Variants in GSK3B observed in about 807,000 individuals in gnomAD.
GSK3B encodes glycogen synthase kinase 3 beta.
In GSK3B, 15 loss-of-function variants were observed where a neutral mutation model predicts 56.4. That is an observed-to-expected ratio of 0.27 (90% CI 0.18 to 0.41). GSK3B has a LOEUF of 0.41. Ranked by LOEUF, GSK3B falls within the 10% of genes least tolerant of loss-of-function variation. GSK3B has a pLI of 1.00. For synonymous variants in GSK3B, 181 were observed against 188.9 expected, an observed-to-expected ratio of 0.96 and a Z score of 0.34; for missense variants, 300 against 513.4, an observed-to-expected ratio of 0.58 and a Z score of 4.02.
chr3:119,964,143 T>C (rs2057298635), intron 2 of GSK3B, among the ~76,000 whole-genome samples: 1 of 151,770 alleles, frequency 6.6e-6, no homozygotes, highest in Non-Finnish European at 1.5e-5. Context: ...TATAACAAAC[T>C]CCTATAACTC....
chr3:119,967,834 T>TTCTC (rs202156812), intron 2 of GSK3B, among the ~76,000 whole-genome samples: 1,911 of 118,920 alleles, frequency 0.016, 24 homozygotes, highest in South Asian at 0.025. Context: ...CTCTTTCTCT[T>TTCTC]TCTCTCTCTC....
chr3:120,021,349 CAAA>C, intron 1 of GSK3B, among the ~76,000 whole-genome samples: 1 of 96,352 alleles, frequency 1.0e-5, no homozygotes, highest in African/African-American at 3.9e-5. Flanking sequence ...ACTAAAAATA[CAAA>C]AAAAAAAAAA....
intron 2 of GSK3B, among the ~76,000 whole-genome samples, chr3:119,984,962 T>C (rs2057501265): frequency 6.6e-6 from 1 of 152,124 alleles, no homozygotes; most frequent in African/African-American, 2.4e-5. Flanking sequence ...GCAAATTGAA[T>C]CCAGCAGCAC....
chr3:119,954,290 AATAGAATAGAATAGAAAAGAAACAG>A (rs1236502174), intron 2 of GSK3B, among the ~76,000 whole-genome samples: 2 of 130,970 alleles, frequency 1.5e-5, no homozygotes, highest in African/African-American at 6.2e-5. Context: ...AATAGAATAG[AATAGAATAGAATAGAAAAGAAACAG>A]AACAGAACAG....
At chr3:120,077,101 A>T (rs2058373364) in intron 1 of GSK3B, among the ~76,000 whole-genome samples, 1 of 152,194 alleles carries the variant, frequency 6.6e-6, no homozygotes, top group African/African-American at 2.4e-5. Flanking sequence ...GCCACTCTGG[A>T]AACAGTATGG....
chr3:120,069,052 A>T (rs1041389772), intron 1 of GSK3B, among the ~76,000 whole-genome samples: 1 of 152,166 alleles, frequency 6.6e-6, no homozygotes, highest in African/African-American at 2.4e-5. Flanking sequence ...AAGTGGTGGA[A>T]AAGAAAAAAG....
chr3:119,867,550 A>C (rs941797721), intron 8 of GSK3B, among the ~76,000 whole-genome samples: 1 of 152,194 alleles, frequency 6.6e-6, no homozygotes, highest in East Asian at 1.9e-4. Context: ...CCAAAAGCTA[A>C]ACAAAATATA....
chr3:120,000,376 C>T (rs1051335539), intron 2 of GSK3B, among the ~76,000 whole-genome samples: 5 of 152,112 alleles, frequency 3.3e-5, no homozygotes, highest in Non-Finnish European at 4.4e-5. Flanking sequence ...GGGCATTTGA[C>T]AACATGAGAC....
At chr3:120,026,837 C>T (rs1357829603) in intron 1 of GSK3B, among the ~76,000 whole-genome samples, 2 of 151,910 alleles carry the variant, frequency 1.3e-5, no homozygotes, top group Admixed American at 6.6e-5. Flanking sequence ...GGATTACAGG[C>T]GTGAGCCACC....
chr3:119,918,401 T>TA (rs149680745), intron 4 of GSK3B, among the ~76,000 whole-genome samples: 2,410 of 151,078 alleles, frequency 0.016, 62 homozygotes, highest in African/African-American at 0.055. Flanking sequence ...ACCCGGGAGA[T>TA]AGAGGTTGCA....
chr3:119,910,030 T>C (rs2056720183), intron 6 of GSK3B, among the ~76,000 whole-genome samples: 1 of 152,196 alleles, frequency 6.6e-6, no homozygotes, highest in South Asian at 2.1e-4. Flanking sequence ...ATGTTAGCAA[T>C]ATGGCCATAC....
At chr3:119,937,301 T>C (rs1448907412) in intron 3 of GSK3B, among the ~76,000 whole-genome samples, 2 of 152,064 alleles carry the variant, frequency 1.3e-5, no homozygotes, top group Non-Finnish European at 2.9e-5. Flanking sequence ...TGCCTTCCTC[T>C]TGGTAATGAA....
intron 7 of GSK3B, 40 bp from the exon 8 acceptor site, chr3:119,876,548 T>C (rs1286851209): frequency 9.0e-7 from 1 of 1,109,816 alleles, no homozygotes; most frequent in East Asian, 2.4e-5. Context: ...TTCCTATATA[T>C]TTACAAATTT....
At chr3:119,860,988 T>C (rs908691592) in intron 9 of GSK3B, among the ~76,000 whole-genome samples, 13 of 152,294 alleles carry the variant, frequency 8.5e-5, no homozygotes, top group African/African-American at 2.9e-4. Context: ...TTTCTATCTC[T>C]AGATTTCCTT....
chr3:120,057,436 T>C (rs2058200400), intron 1 of GSK3B, among the ~76,000 whole-genome samples: 1 of 152,142 alleles, frequency 6.6e-6, no homozygotes, highest in African/African-American at 2.4e-5. Flanking sequence ...GGTAAAGTTC[T>C]GCTACGAAAA....
chr3:120,030,539 C>T (rs376094841), intron 1 of GSK3B, among the ~76,000 whole-genome samples: 24 of 152,284 alleles, frequency 1.6e-4, no homozygotes, highest in African/African-American at 5.8e-4. Flanking sequence ...GCTCACAATC[C>T]TTCAGTCACA....
At chr3:120,018,379 C>T (rs1309174213) in intron 1 of GSK3B, among the ~76,000 whole-genome samples, 2 of 151,998 alleles carry the variant, frequency 1.3e-5, no homozygotes. Flanking sequence ...GCCAACTTTC[C>T]ACATACGGTG....
At chr3:119,903,664 T>A (rs79171029) in intron 7 of GSK3B, among the ~76,000 whole-genome samples, 3,945 of 152,304 alleles carry the variant, frequency 0.026, 175 homozygotes, top group African/African-American at 0.089. Flanking sequence ...TAGGGAATTA[T>A]CACAGATGCT....
chr3:119,894,129 T>C (rs763431797), intron 7 of GSK3B, among the ~76,000 whole-genome samples: 1 of 152,160 alleles, frequency 6.6e-6, no homozygotes, highest in Admixed American at 6.6e-5. Context: ...AATGGAATTA[T>C]ATAATATGTG....
Sources: allele counts gnomAD v4.1 joint callset (sites outside exome capture counted in the v4.1 genomes callset), GRCh38; gene constraint gnomAD v4.1.1; transcripts MANE v1.5; gene names NCBI Gene and HGNC (gene_info 2026-07-23, HGNC 2026-07-21).